Variants in MYH10 observed in about 807,000 individuals in gnomAD.
MYH10 encodes the protein myosin heavy chain 10.
MYH10 carries 55 observed loss-of-function variants against 257.8 expected under a neutral mutation model. The observed-to-expected ratio is 0.21, with a 90% CI of 0.17 to 0.27. The LOEUF is 0.27. MYH10 is among the 10% of genes least tolerant of loss of function. The probability of loss-of-function intolerance (pLI) is 1.00; values close to 1 mark genes in which losing one functional copy is unlikely to be tolerated. For missense variants in MYH10, 1,631 were observed against 2,500.6 expected (o/e 0.65, Z 7.42); for synonymous variants, 854 against 921.7 (o/e 0.93, Z 1.33).
intron 1 of MYH10, among the ~76,000 whole-genome samples, chr17:8,629,514 C>T (rs934055994): frequency 3.9e-5 from 6 of 152,184 alleles, no homozygotes; most frequent in African/African-American, 1.2e-4. Flanking sequence ...TAGTTCCAAA[C>T]AGGCCTGGCT....
intron 42 of MYH10, among the ~76,000 whole-genome samples, chr17:8,476,257 A>G (rs1912584040): frequency 1.3e-5 from 2 of 152,268 alleles, no homozygotes; most frequent in African/African-American, 4.8e-5. Flanking sequence ...CCAGGGAATC[A>G]GCCAGATAGC....
chr17:8,610,328 C>T (rs184931029), intron 2 of MYH10, among the ~76,000 whole-genome samples: 1 of 132,854 alleles, frequency 7.5e-6, no homozygotes, highest in Admixed American at 8.0e-5. Flanking sequence ...GTAGCTCATG[C>T]TTGTAACCCC....
chr17:8,532,523 G>A (rs141208323), intron 16 of MYH10, among the ~76,000 whole-genome samples: 1 of 152,346 alleles, frequency 6.6e-6, no homozygotes, highest in Non-Finnish European at 1.5e-5. Context: ...CATAGCATCT[G>A]TGATCTGTAA....
intron 13 of MYH10, among the ~76,000 whole-genome samples, chr17:8,544,358 A>G (rs903673757): frequency 1.3e-5 from 2 of 151,892 alleles, no homozygotes; most frequent in African/African-American, 2.4e-5. Flanking sequence ...TTTAAAATTT[A>G]TTTTTAGGTG....
chr17:8,543,505 C>T (rs35060044), intron 13 of MYH10, among the ~76,000 whole-genome samples: 74,891 of 147,002 alleles, frequency 0.51, 19,845 homozygotes, highest in Middle Eastern at 0.62. Context: ...TTAGGAGTCT[C>T]GTTCTCTTGC....
Position 8,512,567 on chromosome 17 carries a change from C to A in MYH10, c.2836G>T (p.Ala946Ser), listed in dbSNP as rs773426257. 3.7e-6 allele frequency: 6 copies of A among 1,613,754 alleles called. No individual in the cohort carries two copies. In the East Asian group the frequency reaches 1.1e-4, roughly 30 times the overall value. The change falls in exon 24 of 43, where the codon GCT (alanine) becomes TCT (serine). Residue 946 changes from alanine (A) to serine (S), a missense_variant. Ala to Ser is a moderately conservative substitution (Grantham distance 99). Coordinates refer to ENST00000360416, the MANE Select transcript of MYH10 (RefSeq NM_001256012.3). ...EAEEMRARLA[A>S]KKQELEEILH... ...ATCTCTTCTAATTCCTGCTTTTTAG[C>A]AGCAAGTCTTGCCCTCATCTCTTCT...
intron 14 of MYH10, among the ~76,000 whole-genome samples, chr17:8,539,780 A>T (rs961040182): frequency 6.6e-6 from 1 of 151,588 alleles, no homozygotes; most frequent in Admixed American, 6.6e-5. Flanking sequence ...GTAGAGATGT[A>T]GTCTTACTAT....
chr17:8,562,477 C>T (rs77316566), intron 7 of MYH10, among the ~76,000 whole-genome samples: 2 of 152,300 alleles, frequency 1.3e-5, no homozygotes, highest in Non-Finnish European at 2.9e-5. Flanking sequence ...TTGGAAAATA[C>T]GAGTTTTACT....
chr17:8,529,986 C>G lies in MYH10; in HGVS notation c.1957+637G>C, dbSNP rs569898934. On this transcript the variant is annotated intron_variant, in intron 17 of 42. Transcript: ENST00000360416. ...TCAATTTAAGGTTCAATGTATAATT[C>G]TGACAACATTCCACTCTATTTTAGT... Among the ~76,000 whole-genome samples, 26 of 152,276 alleles carry G rather than the reference C, an allele frequency of 1.7e-4. No homozygotes were observed. The South Asian group carries it at 5.2e-3, about 30-fold the overall frequency.
intron 25 of MYH10, 138 bp downstream of exon 25, chr17:8,509,670 GACTT>G: frequency 4.2e-6 from 3 of 709,620 alleles, no homozygotes; most frequent in South Asian, 2.6e-5. Context: ...TACAAGTAGA[GACTT>G]ACAGAGAAAA....
intron 7 of MYH10, among the ~76,000 whole-genome samples, chr17:8,559,637 A>G (rs2082920109): frequency 6.6e-6 from 1 of 152,324 alleles, no homozygotes; most frequent in Non-Finnish European, 1.5e-5. Flanking sequence ...AAATGCTTCA[A>G]TGGACCCATA....
chr17:8,585,286 G>GTATATACATATATATATATATATATATA (rs71361807), intron 4 of MYH10, among the ~76,000 whole-genome samples: 2 of 84,632 alleles, frequency 2.4e-5, no homozygotes, highest in Non-Finnish European at 4.7e-5. Context: ...ATGTGTGTGT[G>GTATATACATATATATATATATATATATA]TGTATATATA....
At chr17:8,604,465 T>G (rs2084723126) in intron 3 of MYH10, among the ~76,000 whole-genome samples, 3 of 152,314 alleles carry the variant, frequency 2.0e-5, no homozygotes, top group Middle Eastern at 6.8e-3. Flanking sequence ...AATTTTTCTT[T>G]CCCCAGTGCA....
chr17:8,514,852 C>T (rs1351648922), intron 21 of MYH10, among the ~76,000 whole-genome samples: 5 of 152,182 alleles, frequency 3.3e-5, no homozygotes, highest in Admixed American at 6.5e-5. Context: ...CAGAACTTAG[C>T]GGCTTTTCCT....
intron 35 of MYH10, among the ~76,000 whole-genome samples, chr17:8,488,663 C>T (rs1248433893): frequency 2.6e-5 from 4 of 152,120 alleles, no homozygotes; most frequent in Admixed American, 6.5e-5. Flanking sequence ...CAAGGCTTGA[C>T]GGAGTGGTGG....
At chr17:8,526,233 G>A (rs942443696) in intron 17 of MYH10, among the ~76,000 whole-genome samples, 7 of 152,084 alleles carry the variant, frequency 4.6e-5, no homozygotes, top group Non-Finnish European at 1.0e-4. Flanking sequence ...ATCAAGACCC[G>A]AAAAAACTCT....
At chr17:8,565,220 G>A (rs1374753898) in intron 7 of MYH10, among the ~76,000 whole-genome samples, 1 of 152,140 alleles carries the variant, frequency 6.6e-6, no homozygotes, top group Non-Finnish European at 1.5e-5. Flanking sequence ...CTGCACAGTG[G>A]CTGGCAAATA....
intron 16 of MYH10, among the ~76,000 whole-genome samples, chr17:8,533,439 ACTT>A (rs1328646429): frequency 1.3e-5 from 2 of 152,054 alleles, no homozygotes; most frequent in African/African-American, 4.8e-5. Flanking sequence ...ATCATTCTGT[ACTT>A]CTTCTCCTGC....
At chr17:8,561,103 C>T (rs1437822822) in intron 7 of MYH10, 7 of 602,902 alleles carry the variant, frequency 1.2e-5, no homozygotes, top group South Asian at 4.0e-5. Flanking sequence ...TTATTCCCCT[C>T]GACATCAAGC....
Sources: gnomAD v4.1 joint callset for allele counts (sites outside exome capture counted in the v4.1 genomes callset) on GRCh38, gnomAD v4.1.1 for gene constraint, MANE v1.5 for transcripts, NCBI Gene and HGNC (gene_info 2026-07-23, HGNC 2026-07-21) for gene names.